The following PCDH11Y variants were observed in gnomAD, a reference collection of about 807,000 sequenced individuals.
PCDH11Y encodes the protein protocadherin-11 Y-linked.
For synonymous variants in PCDH11Y, 9 were observed against 83.6 expected (o/e 0.11, Z 4.87); for missense variants, 12 against 224.8 (o/e 0.05, Z 6.05).
chrY:5,017,222 T>C, intron 1 of PCDH11Y, among the ~76,000 whole-genome samples: 1 of 33,518 alleles, frequency 3.0e-5, no homozygotes, highest in Non-Finnish European at 7.4e-5. Flanking sequence ...AGACAGCATT[T>C]GATCTAACAT....
chrY:5,282,875 G>C (rs2053055692), intron 2 of PCDH11Y, among the ~76,000 whole-genome samples: 1 of 32,715 alleles, frequency 3.1e-5, no homozygotes, highest in Non-Finnish European at 7.6e-5. Context: ...TTACCTGTTG[G>C]ATACAATGTT....
chrY:5,012,527 C>T (rs2052551866), intron 1 of PCDH11Y, among the ~76,000 whole-genome samples: 1 of 31,223 alleles, frequency 3.2e-5, no homozygotes. Flanking sequence ...CCACCAGGCC[C>T]CTCCTTCAAC....
intron 1 of PCDH11Y, among the ~76,000 whole-genome samples, chrY:5,097,925 C>T: frequency 1.5e-4 from 5 of 32,680 alleles, no homozygotes; most frequent in Admixed American, 1.4e-3. Context: ...AGCCTCCTGT[C>T]CCCAGAACAT....
intron 1 of PCDH11Y, among the ~76,000 whole-genome samples, chrY:5,009,319 A>G (rs2052544292): frequency 3.0e-5 from 1 of 33,746 alleles, no homozygotes; most frequent in East Asian, 7.7e-4. Flanking sequence ...GAGATTATTA[A>G]AAGCACCTGT....
chrY:5,155,131 AAC>A (rs2052868327), intron 2 of PCDH11Y, among the ~76,000 whole-genome samples: 1 of 31,577 alleles, frequency 3.2e-5, no homozygotes, highest in Admixed American at 2.9e-4. Context: ...GATAAAAAGA[AAC>A]ACAGTATTTT....
intron 4 of PCDH11Y, among the ~76,000 whole-genome samples, chrY:5,693,866 G>A (rs200945451): frequency 3.1e-5 from 1 of 32,635 alleles, no homozygotes; most frequent in East Asian, 7.9e-4. Context: ...TCCTCATATC[G>A]AGTGCACAGG....
At chrY:5,399,456 A>G (rs2053230118) in intron 2 of PCDH11Y, among the ~76,000 whole-genome samples, 1 of 28,996 alleles carries the variant, frequency 3.4e-5, no homozygotes, top group Non-Finnish European at 8.1e-5. Flanking sequence ...TACTAGTCCC[A>G]CATCATTATA....
upstream of PCDH11Y, among the ~76,000 whole-genome samples, chrY:5,054,305 C>T (rs2052657597): frequency 4.6e-5 from 1 of 21,859 alleles, no homozygotes; most frequent in East Asian, 1.2e-3. Flanking sequence ...ATTCTGAGTT[C>T]AGGGGTACAA....
intron 2 of PCDH11Y, among the ~76,000 whole-genome samples, chrY:5,446,968 C>A (rs1602927038): frequency 8.4e-4 from 28 of 33,342 alleles, no homozygotes; most frequent in Middle Eastern, 0.014. Context: ...GAATCCAGAA[C>A]TTCAGGAATA....
chrY:5,438,584 T>G, intron 2 of PCDH11Y, among the ~76,000 whole-genome samples: 1 of 33,527 alleles, frequency 3.0e-5, no homozygotes, highest in African/African-American at 1.2e-4. Flanking sequence ...CACAGCAATC[T>G]GTAGAGTTAT....
chrY:5,107,947 T>C, downstream of PCDH11Y, among the ~76,000 whole-genome samples: 2 of 30,450 alleles, frequency 6.6e-5, no homozygotes, highest in East Asian at 1.7e-3. Flanking sequence ...TAGTCCCAGC[T>C]ACTTGAGAGG....
At chrY:5,467,891 C>G in intron 2 of PCDH11Y, among the ~76,000 whole-genome samples, 1 of 31,888 alleles carries the variant, frequency 3.1e-5, no homozygotes, top group African/African-American at 1.2e-4. Flanking sequence ...ATATGCCTGG[C>G]TATATGTCAT....
chrY:5,040,009 C>T (rs2052604936), intron 3 of PCDH11Y, among the ~76,000 whole-genome samples: 2 of 31,383 alleles, frequency 6.4e-5, no homozygotes, highest in African/African-American at 2.5e-4. Context: ...GGCATGGTGG[C>T]ACACGCCTGT....
intron 2 of PCDH11Y, among the ~76,000 whole-genome samples, chrY:5,156,750 C>G: frequency 3.5e-5 from 1 of 28,619 alleles, no homozygotes; most frequent in Non-Finnish European, 8.3e-5. Flanking sequence ...TCAGAAGATT[C>G]AGACACAGCC....
chrY:5,405,169 T>C, intron 2 of PCDH11Y, among the ~76,000 whole-genome samples: 2 of 25,610 alleles, frequency 7.8e-5, no homozygotes, highest in Non-Finnish European at 1.7e-4. Flanking sequence ...TTATTTTCTT[T>C]TGTCTTTTTT....
At chrY:5,009,639 G>A in intron 1 of PCDH11Y, among the ~76,000 whole-genome samples, 8 of 34,087 alleles carry the variant, frequency 2.3e-4, no homozygotes, top group Non-Finnish European at 4.4e-4. Context: ...GCATATGTGC[G>A]TTTGTTAGGG....
intron 2 of PCDH11Y, among the ~76,000 whole-genome samples, chrY:5,195,761 G>A: frequency 3.1e-5 from 1 of 32,452 alleles, no homozygotes; most frequent in Non-Finnish European, 7.5e-5. Context: ...TGTACCTGGG[G>A]TCTTGATTAT....
At chrY:5,679,388 A>G (rs2053556281) in intron 4 of PCDH11Y, among the ~76,000 whole-genome samples, 2 of 33,430 alleles carry the variant, frequency 6.0e-5, no homozygotes, top group Admixed American at 5.4e-4. Flanking sequence ...TCTAGATACA[A>G]CCAGGGCTGG....
chrY:5,476,505 A>G (rs1167560173), intron 2 of PCDH11Y, among the ~76,000 whole-genome samples: 2 of 25,284 alleles, frequency 7.9e-5, no homozygotes, highest in Non-Finnish European at 1.8e-4. Flanking sequence ...AGCTTTTTCT[A>G]TTTTTTTCTA....
Sources: gnomAD v4.1 joint callset for allele counts (sites outside exome capture counted in the v4.1 genomes callset) on GRCh38, gnomAD v4.1.1 for gene constraint, MANE v1.5 for transcripts, NCBI Gene and HGNC (gene_info 2026-07-23, HGNC 2026-07-21) for gene names.